Variants in MAP2 observed in about 807,000 individuals in gnomAD.
MAP2 encodes the protein microtubule-associated protein 2.
Under a neutral mutation model 137.6 loss-of-function variants are expected in MAP2, and 14 were observed. The observed-to-expected ratio is 0.10, with a 90% CI of 0.07 to 0.16. The LOEUF (loss-of-function observed/expected upper bound fraction) is 0.16. Among genes scored for constraint, MAP2 ranks in the 10% least tolerant of loss-of-function variants. MAP2 has a pLI of 1.00. For synonymous variants in MAP2, 786 were observed against 782.3 expected (o/e 1.00, Z -0.08); for missense variants, 2,088 against 2,191.5 (o/e 0.95, Z 0.94).
intron 2 of MAP2, among the ~76,000 whole-genome samples, chr2:209,553,827 G>C (rs2069816342): frequency 6.6e-6 from 1 of 152,178 alleles, no homozygotes; most frequent in Admixed American, 6.5e-5. Context: ...GATAGTTAGT[G>C]GTATGCTGGT....
At chr2:209,703,336 G>C (rs558530899) in intron 11 of MAP2, among the ~76,000 whole-genome samples, 6 of 151,828 alleles carry the variant, frequency 4.0e-5, no homozygotes, top group African/African-American at 1.5e-4. Context: ...TCATTATTAG[G>C]CTTCAAATAT....
intron 7 of MAP2, among the ~76,000 whole-genome samples, chr2:209,687,999 G>A (rs190552165): frequency 7.9e-5 from 12 of 152,168 alleles, no homozygotes; most frequent in East Asian, 1.9e-4. Flanking sequence ...CCTCCGCCCC[G>A]GCCTACAGCT....
chr2:209,590,811 G>C (rs1399034376), intron 3 of MAP2, among the ~76,000 whole-genome samples: 1 of 152,022 alleles, frequency 6.6e-6, no homozygotes, highest in African/African-American at 2.4e-5. Flanking sequence ...CTTCACCCAG[G>C]CATCCTAGGC....
intron 1 of MAP2, among the ~76,000 whole-genome samples, chr2:209,435,129 T>C (rs1258026483): frequency 6.6e-6 from 1 of 151,144 alleles, no homozygotes; most frequent in African/African-American, 2.4e-5. Context: ...GAAAAGTAAT[T>C]AATTTCTTCT....
At chr2:209,687,654 C>T (rs750484791) in intron 7 of MAP2, among the ~76,000 whole-genome samples, 3 of 152,046 alleles carry the variant, frequency 2.0e-5, no homozygotes, top group African/African-American at 4.8e-5. Flanking sequence ...TTGTTTCGTC[C>T]GTCTGATCTT....
intron 1 of MAP2, among the ~76,000 whole-genome samples, chr2:209,435,929 TTATATATATAA>T (rs1343776034): frequency 1.2e-5 from 1 of 82,382 alleles, no homozygotes; most frequent in Non-Finnish European, 3.0e-5. Flanking sequence ...AATATATATA[TTATATATATAA>T]TATATACTAT....
At chr2:209,599,410 C>A (rs999514911) in intron 3 of MAP2, among the ~76,000 whole-genome samples, 2 of 152,094 alleles carry the variant, frequency 1.3e-5, no homozygotes, top group Admixed American at 6.6e-5. Context: ...ACATCCCAAC[C>A]AAGGTTCCAC....
chr2:209,528,087 A>G (rs2064356601), intron 2 of MAP2, among the ~76,000 whole-genome samples: 1 of 150,486 alleles, frequency 6.6e-6, no homozygotes, highest in South Asian at 2.1e-4. Flanking sequence ...CTTGCAAGGT[A>G]GAAGCCATCT....
At chr2:209,641,782 A>C (rs2094046926) in intron 4 of MAP2, among the ~76,000 whole-genome samples, 1 of 152,140 alleles carries the variant, frequency 6.6e-6, no homozygotes, top group African/African-American at 2.4e-5. Flanking sequence ...TACAGGAGCT[A>C]TTTATTAGTC....
intron 1 of MAP2, among the ~76,000 whole-genome samples, chr2:209,457,059 A>C (rs1327339050): frequency 6.6e-6 from 1 of 152,226 alleles, no homozygotes; most frequent in African/African-American, 2.4e-5. Flanking sequence ...ATAGGTAATA[A>C]TTTTAATCAC....
At chr2:209,524,290 A>T (rs1432412475) in intron 2 of MAP2, among the ~76,000 whole-genome samples, 1 of 152,036 alleles carries the variant, frequency 6.6e-6, no homozygotes, top group Non-Finnish European at 1.5e-5. Flanking sequence ...GATTTTTTTC[A>T]ACAGGCAGAA....
rs754313433 is a variant in MAP2 at position 209,693,016 on chromosome 2, C to A, written c.846C>A (p.Ala282=). The change falls in exon 8 of 16, where the codon GCC becomes GCA. Residue 282 remains alanine (A), a synonymous_variant. Transcript: ENST00000682079. ...AAAAGGATGAGTGGGGTTTAGTTGC[C>A]CCCATATCTCCTGGCCCTCTGACTC... is the stretch of plus-strand genomic sequence containing the variant. ...EAKKDEWGLV[A]PISPGPLTPM... is the part of the protein sequence containing the mutation. The A allele has an allele frequency of 3.7e-6, 6 of 1,612,456 alleles. No homozygotes were observed. The highest frequency in any genetic ancestry group is 4.2e-6 in the Non-Finnish European group (5 of 1,179,538).
intron 1 of MAP2, among the ~76,000 whole-genome samples, chr2:209,470,642 C>T (rs1347889913): frequency 6.6e-6 from 1 of 152,084 alleles, no homozygotes; most frequent in Non-Finnish European, 1.5e-5. Flanking sequence ...CCCGCATTAA[C>T]AGCCACTGCC....
At chr2:209,697,969 C>T (rs1293926558) in intron 10 of MAP2, among the ~76,000 whole-genome samples, 1 of 152,002 alleles carries the variant, frequency 6.6e-6, no homozygotes, top group African/African-American at 2.4e-5. Flanking sequence ...CTGCCTCAGC[C>T]TCCGGAGTAG....
In MAP2 at chr2:209,730,590, G is replaced by T. The variant is rs1179437319; in HGVS notation, c.*193G>T. 3.5e-6 allele frequency: 2 copies of T among 576,748 alleles called. No individual in the cohort carries two copies. The highest frequency in any genetic ancestry group is 6.0e-5 in the Admixed American group (2 of 33,074). 35.7% of individuals were successfully genotyped at this position (576,748 alleles called of 1,614,324 possible). Reference sequence around the variant, plus strand: ...GCAGAAATTGACCTGATTTCCATTTGCAACAGGAAGACACTGGCTTTACAT... The same window carrying T: ...GCAGAAATTGACCTGATTTCCATTTTCAACAGGAAGACACTGGCTTTACAT... On this transcript the variant is annotated 3_prime_UTR_variant, in exon 16 of 16. Coordinates refer to ENST00000682079, the MANE Select transcript of MAP2 (RefSeq NM_001375505.1).
chr2:209,584,000 C>T (rs1053647948), intron 3 of MAP2, among the ~76,000 whole-genome samples: 9 of 151,900 alleles, frequency 5.9e-5, no homozygotes, highest in African/African-American at 2.2e-4. Flanking sequence ...GTTTAGCTCC[C>T]ACTTATAAGT....
At position 209,733,912 on chromosome 2, in the gene MAP2, A is replaced by G. The variant is rs780090877; in HGVS notation, c.*3515A>G. ...AAAATCAACAAAAAGTATACTCTGT[A>G]TGCTGGGATTCCGAGGTTCCAACAC... On this transcript the variant is annotated 3_prime_UTR_variant, in exon 16 of 16. Coordinates refer to ENST00000682079, the MANE Select transcript of MAP2 (RefSeq NM_001375505.1). 9.2e-5 allele frequency: 14 copies of G among 152,612 alleles called. No homozygotes were observed. Among genetic ancestry groups the G allele is most frequent in the Non-Finnish European group, 1.5e-4 (10 of 68,042 alleles). 9.5% of individuals were successfully genotyped at this position (152,612 alleles called of 1,614,324 possible). A position where few individuals can be genotyped will look rare whatever the true frequency, so the allele number is the denominator to read the frequency against.
chr2:209,448,363 C>T (rs1298200545), intron 1 of MAP2, among the ~76,000 whole-genome samples: 1 of 152,082 alleles, frequency 6.6e-6, no homozygotes, highest in African/African-American at 2.4e-5. Context: ...CTTGCGTGCT[C>T]CCCAAACCAG....
chr2:209,613,489 G>A (rs2087789555), intron 3 of MAP2, among the ~76,000 whole-genome samples: 1 of 152,136 alleles, frequency 6.6e-6, no homozygotes. Flanking sequence ...CCTGCTAAAG[G>A]TGAAATCATG....
Sources: gnomAD v4.1 joint callset for allele counts (sites outside exome capture counted in the v4.1 genomes callset) on GRCh38, gnomAD v4.1.1 for gene constraint, MANE v1.5 for transcripts, NCBI Gene and HGNC (gene_info 2026-07-23, HGNC 2026-07-21) for gene names.